Variants in SEH1L observed in about 807,000 individuals in gnomAD.
SEH1L encodes the protein nucleoporin SEH1.
Under a neutral mutation model 49.5 loss-of-function variants are expected in SEH1L, and 18 were observed. That is an observed-to-expected ratio of 0.36 (90% confidence interval 0.25 to 0.54). The LOEUF is 0.54. Among genes scored for constraint, SEH1L ranks in the 20% least tolerant of loss-of-function variants. SEH1L has a pLI of 0.87. For synonymous variants in SEH1L, 169 were observed against 178.1 expected (o/e 0.95, Z 0.41); for missense variants, 404 against 528.8 (o/e 0.76, Z 2.31).
intron 3 of SEH1L, 124 bp downstream of exon 3, chr18:12,955,733 A>T (rs1339677666): frequency 1.0e-6 from 1 of 972,692 alleles, no homozygotes; most frequent in Non-Finnish European, 1.5e-6. Flanking sequence ...CCAGTTCTAA[A>T]GTTCTTTCTT....
At chr18:12,949,325 G>C (rs533947156) in intron 1 of SEH1L, among the ~76,000 whole-genome samples, 170 of 150,652 alleles carry the variant, frequency 1.1e-3, no homozygotes, top group African/African-American at 3.8e-3. Flanking sequence ...TCACATTCGA[G>C]TTTGATACCA....
At chr18:12,966,835 T>G (rs942316849) in intron 4 of SEH1L, among the ~76,000 whole-genome samples, 3 of 152,244 alleles carry the variant, frequency 2.0e-5, no homozygotes, top group African/African-American at 7.2e-5. Context: ...CCTATTTGAT[T>G]ATTCCAGGAT....
intron 2 of SEH1L, among the ~76,000 whole-genome samples, chr18:12,952,735 C>A (rs1410048963): frequency 2.0e-5 from 3 of 151,836 alleles, no homozygotes; most frequent in Non-Finnish European, 2.9e-5. Context: ...TTTCTTCTCT[C>A]CTCTGCCCTC....
intron 7 of SEH1L, among the ~76,000 whole-genome samples, chr18:12,983,488 C>T (rs995697425): frequency 1.3e-5 from 2 of 152,148 alleles, no homozygotes; most frequent in South Asian, 2.1e-4. Flanking sequence ...TTGCCATGCT[C>T]CCCAGCAGGG....
intron 3 of SEH1L, among the ~76,000 whole-genome samples, chr18:12,956,049 CTT>C (rs869047416): frequency 1.6e-4 from 22 of 133,840 alleles, no homozygotes; most frequent in South Asian, 2.4e-4. Flanking sequence ...TAATAAAATT[CTT>C]TTTTTTTTTT....
intron 6 of SEH1L, among the ~76,000 whole-genome samples, chr18:12,979,361 G>A (rs2032066537): frequency 6.7e-6 from 1 of 149,628 alleles, no homozygotes; most frequent in African/African-American, 2.5e-5. Context: ...CACAGCACAT[G>A]TTTCAGAGAG....
Position 12,955,593 on chromosome 18 carries a change from G to A in SEH1L, c.293G>A (p.Arg98Gln), listed in dbSNP as rs750691521. 28 of 1,613,898 alleles carry A rather than the reference G, an allele frequency of 1.7e-5. No individual in the cohort carries two copies. Among genetic ancestry groups the A allele is most frequent in the Admixed American group, 1.7e-5 (1 of 59,974 alleles). The change falls in exon 3 of 9, where the codon CGA becomes CAA. Residue 98 changes from arginine (R) to glutamine (Q), a missense_variant. Physicochemically the swap from Arg to Gln is conservative, Grantham distance 43 (BLOSUM62 1). Transcript: ENST00000399892. The part of the protein sequence containing the change: ...EIVGESNDKL[R>Q]GQSHWVKRTT... The stretch of plus-strand genomic sequence containing the variant: ...GTAGGAGAATCAAATGATAAACTGC[G>A]AGGACAGAGCCACTGGGTGAGACAT...
intron 4 of SEH1L, among the ~76,000 whole-genome samples, chr18:12,970,187 A>G (rs2031634999): frequency 6.6e-6 from 1 of 152,200 alleles, no homozygotes; most frequent in Admixed American, 6.5e-5. Context: ...CCAGGTTTAC[A>G]GAGATATTAA....
intron 6 of SEH1L, 139 bp from the exon 7 acceptor site, chr18:12,982,379 A>T (rs1021924428): frequency 7.0e-6 from 4 of 568,858 alleles, no homozygotes; most frequent in African/African-American, 5.8e-5. Context: ...GCAGATGTGC[A>T]CATTATTATA....
chr18:12,948,392 C>T, intron 1 of SEH1L, 160 bp downstream of exon 1: 2 of 543,648 alleles, frequency 3.7e-6, no homozygotes, highest in Non-Finnish European at 6.4e-6. Flanking sequence ...CCTCCCCGCC[C>T]GCGTATTGTG....
intron 3 of SEH1L, among the ~76,000 whole-genome samples, chr18:12,959,598 A>G (rs1213302493): frequency 6.6e-6 from 1 of 152,154 alleles, no homozygotes; most frequent in Non-Finnish European, 1.5e-5. Flanking sequence ...CAGATTTCAG[A>G]TTTTTGGATT....
intron 8 of SEH1L, chr18:12,985,179 C>G: frequency 6.5e-7 from 1 of 1,536,980 alleles, no homozygotes; most frequent in South Asian, 1.2e-5. Flanking sequence ...GTGCCAATAA[C>G]CATCTGTGTT....
At chr18:12,953,301 T>A (rs577206308) in intron 2 of SEH1L, among the ~76,000 whole-genome samples, 1 of 152,232 alleles carries the variant, frequency 6.6e-6, no homozygotes, top group South Asian at 2.1e-4. Context: ...TTGGCTGTTA[T>A]GAGTAATGTT....
intron 5 of SEH1L, chr18:12,974,699 A>G (rs1314897430): frequency 2.6e-5 from 4 of 152,234 alleles, no homozygotes; most frequent in Non-Finnish European, 2.9e-5. Flanking sequence ...TCTAGGATTG[A>G]TAGTGATAAT....
intron 4 of SEH1L, among the ~76,000 whole-genome samples, chr18:12,966,825 C>T (rs1439687988): frequency 6.6e-6 from 1 of 152,134 alleles, no homozygotes; most frequent in Non-Finnish European, 1.5e-5. Flanking sequence ...TTCTGGCACT[C>T]CTATTTGATT....
intron 4 of SEH1L, among the ~76,000 whole-genome samples, chr18:12,967,169 C>G (rs757868447): frequency 6.6e-6 from 1 of 152,178 alleles, no homozygotes; most frequent in Non-Finnish European, 1.5e-5. Flanking sequence ...TACTGAATAC[C>G]GAATTGCTCC....
At chr18:12,985,364 A>G in intron 8 of SEH1L, 2 of 1,510,866 alleles carry the variant, frequency 1.3e-6, no homozygotes, top group Non-Finnish European at 1.8e-6. Flanking sequence ...CTCCCAAGAT[A>G]CACCAGCAGC....
At chr18:12,953,399 C>T (rs938996745) in intron 2 of SEH1L, among the ~76,000 whole-genome samples, 1 of 152,184 alleles carries the variant, frequency 6.6e-6, no homozygotes, top group African/African-American at 2.4e-5. Flanking sequence ...GCTATATGCA[C>T]TTAGCTTTCT....
chr18:12,953,500 ATCTG>A (rs1321267087), intron 2 of SEH1L, among the ~76,000 whole-genome samples: 4 of 152,230 alleles, frequency 2.6e-5, no homozygotes, highest in Non-Finnish European at 2.9e-5. Flanking sequence ...ACTCGATAAT[ATCTG>A]TCTTTTTTAT....
Sources: gnomAD v4.1 joint callset for allele counts (sites outside exome capture counted in the v4.1 genomes callset) on GRCh38, gnomAD v4.1.1 for gene constraint, MANE v1.5 for transcripts, NCBI Gene and HGNC (gene_info 2026-07-23, HGNC 2026-07-21) for gene names.